The following EYS variants were observed in gnomAD, a reference collection of about 807,000 sequenced individuals.
EYS encodes the protein protein eyes shut homolog.
A neutral mutation model predicts 282.1 loss-of-function variants in EYS; 250 were observed. The observed-to-expected ratio is 0.89, with a 90% CI of 0.80 to 0.98. The LOEUF (loss-of-function observed/expected upper bound fraction) is 0.98, where lower values mean the gene tolerates loss of function less well. Ranked by LOEUF, EYS falls within the 50% of genes least tolerant of loss-of-function variation. The probability of loss-of-function intolerance (pLI) is 0.00; values close to 1 mark genes in which losing one functional copy is unlikely to be tolerated. For synonymous variants in EYS, 1,355 were observed against 1,282.9 expected (o/e 1.06, Z -1.20); for missense variants, 4,016 against 3,709.0 (o/e 1.08, Z -2.15).
chr6:65,568,823 A>C (rs1764373413), intron 2 of EYS, among the ~76,000 whole-genome samples: 1 of 152,182 alleles, frequency 6.6e-6, no homozygotes. Flanking sequence ...AGACAAATGT[A>C]CGTATAAAAA....
At chr6:64,117,364 C>G (rs952001938) in intron 31 of EYS, among the ~76,000 whole-genome samples, 1 of 142,678 alleles carries the variant, frequency 7.0e-6, no homozygotes, top group African/African-American at 2.6e-5. Context: ...ATAACAAAGA[C>G]CAGAGCAGAA....
At chr6:65,350,456 C>A (rs1261083412) in intron 9 of EYS, among the ~76,000 whole-genome samples, 2 of 151,304 alleles carry the variant, frequency 1.3e-5, no homozygotes, top group East Asian at 3.9e-4. Flanking sequence ...CTCACAAATG[C>A]AACAATCACT....
At chr6:64,670,184 G>C (rs1316059553) in intron 22 of EYS, among the ~76,000 whole-genome samples, 1 of 151,992 alleles carries the variant, frequency 6.6e-6, no homozygotes, top group African/African-American at 2.4e-5. Context: ...CATGAAGAAA[G>C]TCTATTTTTC....
chr6:63,987,915 A>ATCTC (rs1338013722), intron 34 of EYS, among the ~76,000 whole-genome samples: 1 of 151,624 alleles, frequency 6.6e-6, no homozygotes, highest in East Asian at 1.9e-4. Context: ...AGAGCAAAGC[A>ATCTC]TCTCCATGAC....
intron 35 of EYS, among the ~76,000 whole-genome samples, chr6:63,961,866 G>T (rs1343121111): frequency 6.6e-6 from 1 of 152,112 alleles, no homozygotes; most frequent in Non-Finnish European, 1.5e-5. Flanking sequence ...GTTTCTTCAA[G>T]AATCTTCCTG....
chr6:65,068,641 A>T (rs1260590788), intron 12 of EYS, among the ~76,000 whole-genome samples: 2 of 152,028 alleles, frequency 1.3e-5, no homozygotes, highest in Non-Finnish European at 2.9e-5. Context: ...CCCAGGACAT[A>T]GAAACTGGCC....
At chr6:63,988,948 G>A (rs1368204432) in intron 34 of EYS, among the ~76,000 whole-genome samples, 1 of 151,572 alleles carries the variant, frequency 6.6e-6, no homozygotes, top group Non-Finnish European at 1.5e-5. Flanking sequence ...GCAGGGGAGA[G>A]GGTAGATAAG....
chr6:64,000,604 ATAAC>A (rs1448748340), intron 33 of EYS, among the ~76,000 whole-genome samples: 24 of 152,306 alleles, frequency 1.6e-4, no homozygotes, highest in African/African-American at 4.1e-4. Context: ...TATTGGTTAA[ATAAC>A]TTAGTAATAT....
At chr6:65,595,160 T>C (rs1224954779) in intron 2 of EYS, among the ~76,000 whole-genome samples, 1 of 152,056 alleles carries the variant, frequency 6.6e-6, no homozygotes, top group African/African-American at 2.4e-5. Flanking sequence ...TGAGTTCATG[T>C]CCTTTGTAGG....
At chr6:65,427,897 A>G (rs1429927474) in intron 5 of EYS, among the ~76,000 whole-genome samples, 2 of 152,136 alleles carry the variant, frequency 1.3e-5, no homozygotes, top group African/African-American at 4.8e-5. Context: ...CATATAGATG[A>G]TATCAAGAAC....
At chr6:64,457,629 T>C (rs1451549680) in intron 26 of EYS, among the ~76,000 whole-genome samples, 2 of 152,092 alleles carry the variant, frequency 1.3e-5, no homozygotes, top group African/African-American at 2.4e-5. Context: ...CTTTTTAACG[T>C]CATTTTTGAA....
intron 31 of EYS, among the ~76,000 whole-genome samples, chr6:64,139,932 C>T (rs1774285174): frequency 6.6e-6 from 1 of 151,722 alleles, no homozygotes; most frequent in East Asian, 1.9e-4. Flanking sequence ...CGCACCACTG[C>T]ACTCCAGCCT....
intron 14 of EYS, among the ~76,000 whole-genome samples, chr6:64,956,330 T>C (rs912818534): frequency 1.3e-5 from 2 of 152,284 alleles, no homozygotes; most frequent in South Asian, 2.1e-4. Context: ...GTCAAGAACA[T>C]GCACTGGAGA....
chr6:64,332,256 C>A (rs1223425236), intron 29 of EYS, among the ~76,000 whole-genome samples: 1 of 152,192 alleles, frequency 6.6e-6, no homozygotes, highest in Non-Finnish European at 1.5e-5. Flanking sequence ...TAGTGTTCGG[C>A]TGACCACCCT....
At chr6:64,206,887 A>C (rs12175881) in intron 31 of EYS, among the ~76,000 whole-genome samples, 1 of 151,982 alleles carries the variant, frequency 6.6e-6, no homozygotes, top group Non-Finnish European at 1.5e-5. Flanking sequence ...TATTTGCGTC[A>C]TGGGAGTTTG....
At chr6:65,081,498 T>A (rs1438247409) in intron 12 of EYS, among the ~76,000 whole-genome samples, 2 of 152,078 alleles carry the variant, frequency 1.3e-5, no homozygotes, top group African/African-American at 4.8e-5. Context: ...CATTTGGAAC[T>A]GAAACTTCTC....
chr6:64,796,818 G>T (rs1774368643), intron 22 of EYS, among the ~76,000 whole-genome samples: 1 of 152,084 alleles, frequency 6.6e-6, no homozygotes, highest in Non-Finnish European at 1.5e-5. Flanking sequence ...AGGTATTTTT[G>T]TGTGACACAA....
intron 31 of EYS, among the ~76,000 whole-genome samples, chr6:64,087,659 A>G (rs1258782538): frequency 6.6e-6 from 1 of 152,136 alleles, no homozygotes; most frequent in Admixed American, 6.5e-5. Flanking sequence ...ATGATCATAC[A>G]TGGTAGTTTG....
rs570131609 is a variant in EYS at position 63,850,135 on chromosome 6, T to A, written c.7228+14051A>T. Among the ~76,000 whole-genome samples the A allele has an allele frequency of 7.2e-5, 11 of 151,824 alleles. No homozygotes were observed. In the South Asian group the frequency reaches 2.3e-3, roughly 32 times the overall value. On this transcript the variant is annotated intron_variant, in intron 36 of 42. Transcript: ENST00000503581. ...GAAAACAAGATTAGAGAAAAAAGAATGAAAAGGAACAAACAGAGCCTCCAA... is the reference window on the plus strand; with the variant it reads ...GAAAACAAGATTAGAGAAAAAAGAAAGAAAAGGAACAAACAGAGCCTCCAA...
Sources: gnomAD v4.1 joint callset for allele counts (sites outside exome capture counted in the v4.1 genomes callset) on GRCh38, gnomAD v4.1.1 for gene constraint, MANE v1.5 for transcripts, NCBI Gene and HGNC (gene_info 2026-07-23, HGNC 2026-07-21) for gene names.